The following EHBP1 variants were observed in gnomAD, a reference collection of about 807,000 sequenced individuals.
The protein encoded by EHBP1 is EH domain-binding protein 1.
Under a neutral mutation model 144.0 loss-of-function variants are expected in EHBP1, and 55 were observed. The observed-to-expected ratio is 0.38, with a 90% CI of 0.31 to 0.48. The LOEUF (loss-of-function observed/expected upper bound fraction) is 0.48, where lower values mean the gene tolerates loss of function less well. Ranked by LOEUF, EHBP1 falls within the 20% of genes least tolerant of loss-of-function variation. The probability of loss-of-function intolerance (pLI) is 0.98; values close to 1 mark genes in which losing one functional copy is unlikely to be tolerated. For missense variants in EHBP1, 1,200 were observed against 1,364.2 expected (o/e 0.88, Z 1.90); for synonymous variants, 469 against 472.7 (o/e 0.99, Z 0.10).
intron 19 of EHBP1, among the ~76,000 whole-genome samples, chr2:63,024,353 C>G (rs2060884115): frequency 6.6e-6 from 1 of 151,776 alleles, no homozygotes. Flanking sequence ...TCAAAAAGAA[C>G]AAAAAACAAA....
intron 7 of EHBP1, among the ~76,000 whole-genome samples, chr2:62,852,157 C>T (rs2048729599): frequency 1.3e-5 from 2 of 152,062 alleles, no homozygotes; most frequent in Admixed American, 1.3e-4. Flanking sequence ...TGATTGATTT[C>T]TTCTCTCATT....
intron 1 of EHBP1, among the ~76,000 whole-genome samples, chr2:62,684,441 G>T (rs1359023053): frequency 1.3e-5 from 2 of 152,186 alleles, no homozygotes; most frequent in Non-Finnish European, 2.9e-5. Flanking sequence ...AAGTTGAAAA[G>T]TCGGTTCTTC....
chr2:62,881,989 A>G (rs1331787165), intron 10 of EHBP1, among the ~76,000 whole-genome samples: 2 of 152,128 alleles, frequency 1.3e-5, no homozygotes, highest in Admixed American at 1.3e-4. Context: ...GGAACCTAGC[A>G]TTTTCATTAA....
intron 10 of EHBP1, among the ~76,000 whole-genome samples, chr2:62,881,438 AAG>A (rs1553458496): frequency 2.0e-5 from 3 of 151,226 alleles, no homozygotes; most frequent in Non-Finnish European, 3.0e-5. Flanking sequence ...AAAAAAAAAA[AAG>A]AAGGAAAGGA....
At chr2:62,890,963 A>C (rs2052411310) in intron 10 of EHBP1, among the ~76,000 whole-genome samples, 1 of 152,094 alleles carries the variant, frequency 6.6e-6, no homozygotes, top group Non-Finnish European at 1.5e-5. Flanking sequence ...GTAGATCACA[A>C]GATCAGGAGT....
chr2:62,895,808 A>G (rs1195318951), intron 10 of EHBP1, among the ~76,000 whole-genome samples: 1 of 152,194 alleles, frequency 6.6e-6, no homozygotes, highest in African/African-American at 2.4e-5. Flanking sequence ...ACTACAGAAT[A>G]GGGTCTGAGG....
chr2:62,891,393 T>A (rs1418177769), intron 10 of EHBP1, among the ~76,000 whole-genome samples: 2 of 152,114 alleles, frequency 1.3e-5, no homozygotes, highest in African/African-American at 4.8e-5. Context: ...TTGATATAAG[T>A]CCCAACTTGA....
chr2:62,978,201 CTTTT>C (rs1337320404), intron 14 of EHBP1, among the ~76,000 whole-genome samples: 3 of 139,518 alleles, frequency 2.2e-5, no homozygotes, highest in African/African-American at 5.2e-5. Flanking sequence ...ATTAATAATC[CTTTT>C]TTTTTTTTTT....
intron 5 of EHBP1, among the ~76,000 whole-genome samples, chr2:62,810,647 C>T (rs1426375861): frequency 6.6e-6 from 1 of 152,154 alleles, no homozygotes; most frequent in Non-Finnish European, 1.5e-5. Flanking sequence ...CTGTCTAGTC[C>T]TGAAGATTTA....
chr2:62,951,539 G>GT (rs1169495207), intron 13 of EHBP1, among the ~76,000 whole-genome samples: 1 of 142,382 alleles, frequency 7.0e-6, no homozygotes, highest in Non-Finnish European at 1.6e-5. Context: ...TTTTTTGGGG[G>GT]GGGGGGGTGG....
intron 5 of EHBP1, among the ~76,000 whole-genome samples, chr2:62,812,432 A>T (rs1057500298): frequency 6.6e-6 from 1 of 152,176 alleles, no homozygotes; most frequent in Non-Finnish European, 1.5e-5. Context: ...AAATGCCTAG[A>T]TTCCTATGAA....
At chr2:62,930,623 A>G (rs1332117047) in intron 10 of EHBP1, among the ~76,000 whole-genome samples, 1 of 152,194 alleles carries the variant, frequency 6.6e-6, no homozygotes, top group Non-Finnish European at 1.5e-5. Context: ...CTGATTTTAA[A>G]ACTTACTGCA....
At chr2:62,920,661 TA>T (rs1330052282) in intron 10 of EHBP1, among the ~76,000 whole-genome samples, 4 of 150,964 alleles carry the variant, frequency 2.6e-5, no homozygotes, top group Non-Finnish European at 5.9e-5. Flanking sequence ...TGATTAATCA[TA>T]TTTTTTTTTT....
In EHBP1 at chr2:62,851,427, G is replaced by C. The variant is rs1558792067; in HGVS notation, c.635-7742G>C. Among the ~76,000 whole-genome samples, 5 of 152,156 alleles carry C rather than the reference G, an allele frequency of 3.3e-5. No homozygotes were observed. In the South Asian group the frequency reaches 1.0e-3, roughly 32 times the overall value. The stretch of plus-strand genomic sequence containing the variant: ...AATAATCATAATGTCTACTTGTCTT[G>C]TGTTAGCTCAAATGTAGATAAAAAT... On this transcript the variant is annotated intron_variant, in intron 7 of 22. Coordinates refer to ENST00000431489, the MANE Select transcript of EHBP1 (RefSeq NM_001142616.3).
intron 6 of EHBP1, among the ~76,000 whole-genome samples, chr2:62,829,698 TA>T (rs1279957969): frequency 2.0e-5 from 3 of 146,774 alleles, no homozygotes; most frequent in African/African-American, 7.4e-5. Context: ...TAATATATAA[TA>T]TATAATAATA....
chr2:63,038,164 C>T (rs117516781), intron 20 of EHBP1, among the ~76,000 whole-genome samples: 14 of 151,896 alleles, frequency 9.2e-5, no homozygotes, highest in East Asian at 5.8e-4. Flanking sequence ...TTTAGTTCAC[C>T]GGAGGACTTA....
chr2:62,817,869 G>A (rs531743952), intron 5 of EHBP1, among the ~76,000 whole-genome samples: 3 of 152,118 alleles, frequency 2.0e-5, no homozygotes, highest in Non-Finnish European at 4.4e-5. Context: ...TCACTTATTT[G>A]TTCCTTGATT....
chr2:62,991,153 G>C (rs953643696), intron 16 of EHBP1, among the ~76,000 whole-genome samples: 2 of 151,808 alleles, frequency 1.3e-5, no homozygotes, highest in African/African-American at 4.8e-5. Context: ...GCTGAGGCGG[G>C]AGGATTGCCT....
intron 18 of EHBP1, 58 bp from the exon 19 acceptor site, chr2:62,996,585 A>C: frequency 6.2e-7 from 1 of 1,609,976 alleles, no homozygotes; most frequent in Non-Finnish European, 8.5e-7. Flanking sequence ...GTTTGTAGAA[A>C]GGAAAAATGC....
Sources: allele counts gnomAD v4.1 joint callset (sites outside exome capture counted in the v4.1 genomes callset), GRCh38; gene constraint gnomAD v4.1.1; transcripts MANE v1.5; gene names NCBI Gene and HGNC (gene_info 2026-07-23, HGNC 2026-07-21).